Variants in HOOK3 observed in about 807,000 individuals in gnomAD.
HOOK3 encodes the protein protein Hook homolog 3.
HOOK3 carries 24 observed loss-of-function variants against 116.3 expected under a neutral mutation model. The observed-to-expected ratio is 0.21, with a 90% CI of 0.15 to 0.29. The LOEUF (loss-of-function observed/expected upper bound fraction) is 0.29. Among genes scored for constraint, HOOK3 ranks in the 10% least tolerant of loss-of-function variants. HOOK3 has a pLI of 1.00. For missense variants in HOOK3, 632 were observed against 830.2 expected, an observed-to-expected ratio of 0.76 and a Z score of 2.93; for synonymous variants, 275 against 283.0, an observed-to-expected ratio of 0.97 and a Z score of 0.28.
intron 11 of HOOK3, among the ~76,000 whole-genome samples, chr8:42,969,852 T>C (rs1467256751): frequency 6.8e-6 from 1 of 147,640 alleles, no homozygotes; most frequent in Admixed American, 6.6e-5. Flanking sequence ...TGTTTATATG[T>C]TCTAGATGTT....
In HOOK3 at chr8:43,028,831, A is replaced by T. The variant is rs1809978067; in HGVS notation, c.*10333A>T. The stretch of plus-strand genomic sequence containing the variant: ...TGGTGCTTACAATTATTTTGTTAGG[A>T]AATCTTGATGCTTTCTTCTTTCTCT... On this transcript the variant is annotated 3_prime_UTR_variant, in exon 22 of 22. Transcript: ENST00000307602. 1 of 199,644 alleles carries T rather than the reference A, an allele frequency of 5.0e-6. No homozygotes were observed. The highest frequency in any genetic ancestry group is 1.9e-4 in the South Asian group (1 of 5,240). 12.4% of individuals were successfully genotyped at this position (199,644 alleles called of 1,614,324 possible).
intron 11 of HOOK3, among the ~76,000 whole-genome samples, chr8:42,971,025 C>T (rs1808717731): frequency 1.3e-5 from 2 of 151,996 alleles, no homozygotes; most frequent in Non-Finnish European, 1.5e-5. Flanking sequence ...GGGCTCAAGA[C>T]ATCCTCCTGC....
chr8:42,908,649 C>T (rs530541938), intron 2 of HOOK3, among the ~76,000 whole-genome samples: 67 of 152,248 alleles, frequency 4.4e-4, no homozygotes, highest in Non-Finnish European at 8.1e-4. Flanking sequence ...ACGCCACATG[C>T]AAAAATCAAT....
intron 4 of HOOK3, among the ~76,000 whole-genome samples, chr8:42,930,495 T>C (rs967045672): frequency 1.3e-5 from 2 of 152,224 alleles, no homozygotes; most frequent in African/African-American, 4.8e-5. Flanking sequence ...TCTACTTTCA[T>C]TTTATTCCTT....
chr8:42,964,937 C>G (rs909139028), intron 9 of HOOK3, among the ~76,000 whole-genome samples: 1 of 152,228 alleles, frequency 6.6e-6, no homozygotes, highest in South Asian at 2.1e-4. Flanking sequence ...GAAACTACTT[C>G]ACGTCTAGGA....
chr8:42,900,439 T>G (rs1340053143), intron 1 of HOOK3, among the ~76,000 whole-genome samples: 1 of 152,200 alleles, frequency 6.6e-6, no homozygotes, highest in Non-Finnish European at 1.5e-5. Flanking sequence ...TCGGTACACT[T>G]TGGGATAACC....
chr8:42,933,675 A>G (rs1356408716), intron 4 of HOOK3, among the ~76,000 whole-genome samples: 1 of 152,236 alleles, frequency 6.6e-6, no homozygotes, highest in Non-Finnish European at 1.5e-5. Context: ...AGAAAAATAC[A>G]TGAGAGATAC....
rs188840760 is a variant in HOOK3, at chr8:42,994,796, A to G, written c.1533-2754A>G. ...TACTATTTTTGCTCACCTATTCCCC[A>G]TTGAGAGAATTTAGCTGTTTTTAAA... On this transcript the variant is annotated intron_variant, in intron 15 of 21. Coordinates refer to ENST00000307602, the MANE Select transcript of HOOK3 (RefSeq NM_032410.4). Among the ~76,000 whole-genome samples the G allele has an allele frequency of 1.9e-4, 29 of 152,320 alleles. No individual in the cohort carries two copies. The East Asian group carries it at 4.4e-3, about 23-fold the overall frequency.
rs1280979556 is a variant in HOOK3 at position 43,018,806 on chromosome 8, T to C, written c.*308T>C. On this transcript the variant is annotated 3_prime_UTR_variant, in exon 22 of 22. Transcript: ENST00000307602. ...TCCTCTTCTTCAAAGGTATAGGCTTTGTAATGAATTAGATTTTCTGCCAAT... is the reference window on the plus strand; with the variant it reads ...TCCTCTTCTTCAAAGGTATAGGCTTCGTAATGAATTAGATTTTCTGCCAAT... 7.5e-6 allele frequency: 2 copies of C among 267,096 alleles called. No homozygotes were observed. Among genetic ancestry groups the C allele is most frequent in the Non-Finnish European group, 1.4e-5 (2 of 141,122 alleles). The allele number at this position is 267,096 out of a possible 1,614,324, so 16.5% of individuals were successfully genotyped here. A position where few individuals can be genotyped will look rare whatever the true frequency, so the allele number is the denominator to read the frequency against.
chr8:43,026,325 T>C lies in HOOK3; in HGVS notation c.*7827T>C, dbSNP rs1389111152. 1 of 192,546 alleles carries C rather than the reference T, an allele frequency of 5.2e-6. No individual in the cohort carries two copies. The highest frequency in any genetic ancestry group is 2.3e-5 in the African/African-American group (1 of 43,084). 11.9% of individuals were successfully genotyped at this position (192,546 alleles called of 1,614,324 possible). On this transcript the variant is annotated 3_prime_UTR_variant, in exon 22 of 22. Transcript: ENST00000307602. ...GTTACTTCTAGTCATTTATGTAGTA[T>C]ATTTTACTGCAAAATTTGTAGCACT...
chr8:42,983,367 A>G (rs1808989679), intron 14 of HOOK3, among the ~76,000 whole-genome samples: 1 of 151,698 alleles, frequency 6.6e-6, no homozygotes, highest in Non-Finnish European at 1.5e-5. Flanking sequence ...TCTGCTAACC[A>G]CACGGAAAGG....
At chr8:42,970,073 A>AAATTCCAAGT (rs1324796315) in intron 11 of HOOK3, among the ~76,000 whole-genome samples, 1 of 152,190 alleles carries the variant, frequency 6.6e-6, no homozygotes, top group Non-Finnish European at 1.5e-5. Flanking sequence ...TTGCACATTT[A>AAATTCCAAGT]GGTATTTAAT....
intron 14 of HOOK3, among the ~76,000 whole-genome samples, chr8:42,986,340 A>G (rs1354959313): frequency 6.6e-6 from 1 of 152,234 alleles, no homozygotes; most frequent in Admixed American, 6.5e-5. Context: ...GTTCTCTGAT[A>G]AGAATCAGAT....
intron 5 of HOOK3, among the ~76,000 whole-genome samples, chr8:42,943,701 T>C (rs1287174675): frequency 6.6e-6 from 1 of 152,216 alleles, no homozygotes; most frequent in African/African-American, 2.4e-5. Flanking sequence ...ATAACTACAC[T>C]GAATGCAGTG....
chr8:42,933,488 T>G (rs73635368), intron 4 of HOOK3, among the ~76,000 whole-genome samples: 7,237 of 152,282 alleles, frequency 0.048, 349 homozygotes, highest in African/African-American at 0.12. Flanking sequence ...AACATAAGAT[T>G]ATTCACTCTA....
intron 4 of HOOK3, among the ~76,000 whole-genome samples, chr8:42,934,134 G>A (rs1807921463): frequency 6.6e-6 from 1 of 151,012 alleles, no homozygotes; most frequent in Admixed American, 6.6e-5. Flanking sequence ...TTTAGCTATT[G>A]AACCGCCTGG....
intron 19 of HOOK3, among the ~76,000 whole-genome samples, chr8:43,010,607 A>T (rs541134283): frequency 6.6e-6 from 1 of 152,330 alleles, no homozygotes; most frequent in South Asian, 2.1e-4. Context: ...ACTAATTACC[A>T]AGAGGAAAAT....
chr8:42,922,379 C>CA (rs969803978), intron 2 of HOOK3, among the ~76,000 whole-genome samples: 153 of 137,684 alleles, frequency 1.1e-3, no homozygotes, highest in Admixed American at 3.5e-3. Context: ...CCATCTCTAC[C>CA]AAAAAAAAAA....
chr8:42,943,965 G>T (rs1052996066), intron 5 of HOOK3, among the ~76,000 whole-genome samples: 1 of 152,112 alleles, frequency 6.6e-6, no homozygotes, highest in African/African-American at 2.4e-5. Context: ...TTTGAATTGG[G>T]TTTCCTACCC....
Sources: gnomAD v4.1 joint callset for allele counts (sites outside exome capture counted in the v4.1 genomes callset) on GRCh38, gnomAD v4.1.1 for gene constraint, MANE v1.5 for transcripts, NCBI Gene and HGNC (gene_info 2026-07-23, HGNC 2026-07-21) for gene names.